Variants in PPFIA2 observed in about 807,000 individuals in gnomAD.
PPFIA2 encodes the protein PPFI scaffold protein A2.
A neutral mutation model predicts 175.5 loss-of-function variants in PPFIA2; 46 were observed. That is an observed-to-expected ratio of 0.26 (90% CI 0.21 to 0.34). PPFIA2 has a LOEUF of 0.34. Among genes scored for constraint, PPFIA2 ranks in the 10% least tolerant of loss-of-function variants. PPFIA2 has a pLI of 1.00. For missense variants in PPFIA2, 1,179 were observed against 1,506.1 expected, an observed-to-expected ratio of 0.78 and a Z score of 3.60; for synonymous variants, 568 against 511.4, an observed-to-expected ratio of 1.11 and a Z score of -1.49.
intron 4 of PPFIA2, among the ~76,000 whole-genome samples, chr12:81,524,137 G>T (rs1249994278): frequency 1.3e-5 from 2 of 152,190 alleles, no homozygotes; most frequent in Non-Finnish European, 2.9e-5. Context: ...GAAGAGAACT[G>T]CCATGAGGGT....
chr12:81,406,789 G>C (rs538467177), intron 7 of PPFIA2, among the ~76,000 whole-genome samples: 2 of 152,040 alleles, frequency 1.3e-5, no homozygotes, highest in African/African-American at 4.8e-5. Context: ...AGTTCTGGGA[G>C]AAATAAAGGT....
chr12:81,559,358 T>C (rs1391464196), intron 4 of PPFIA2, among the ~76,000 whole-genome samples: 1 of 152,204 alleles, frequency 6.6e-6, no homozygotes, highest in African/African-American at 2.4e-5. Flanking sequence ...GCAAGGATAT[T>C]ATAGGACAAT....
At chr12:81,573,315 T>C (rs992193431) in intron 4 of PPFIA2, among the ~76,000 whole-genome samples, 2 of 151,914 alleles carry the variant, frequency 1.3e-5, no homozygotes, top group South Asian at 2.1e-4. Context: ...AGTGGGTACA[T>C]AGCTGTCATT....
chr12:81,655,238 TC>T (rs1197610817), intron 4 of PPFIA2, among the ~76,000 whole-genome samples: 1 of 151,850 alleles, frequency 6.6e-6, no homozygotes, highest in Non-Finnish European at 1.5e-5. Context: ...ATGTTAATTT[TC>T]CCCCAAAAAT....
intron 4 of PPFIA2, among the ~76,000 whole-genome samples, chr12:81,624,458 T>G (rs1281366992): frequency 1.4e-5 from 2 of 146,950 alleles, no homozygotes; most frequent in African/African-American, 4.9e-5. Context: ...ATAATTATAG[T>G]GACCTGGGCA....
At chr12:81,443,483 G>T (rs1204329947) in intron 6 of PPFIA2, among the ~76,000 whole-genome samples, 1 of 151,012 alleles carries the variant, frequency 6.6e-6, no homozygotes, top group Non-Finnish European at 1.5e-5. Context: ...TAAACCCACT[G>T]AACTTCTATA....
At chr12:81,436,023 A>T (rs1035135972) in intron 7 of PPFIA2, among the ~76,000 whole-genome samples, 1 of 151,922 alleles carries the variant, frequency 6.6e-6, no homozygotes, top group Non-Finnish European at 1.5e-5. Flanking sequence ...CATGCCTGAA[A>T]TCTCAGTGCT....
chr12:81,623,875 T>C (rs2062364944), intron 4 of PPFIA2, among the ~76,000 whole-genome samples: 1 of 151,942 alleles, frequency 6.6e-6, no homozygotes, highest in South Asian at 2.1e-4. Context: ...TGGGTACTAC[T>C]TAAATAGCTG....
At chr12:81,395,352 G>A (rs1019531014) in intron 8 of PPFIA2, among the ~76,000 whole-genome samples, 2 of 151,946 alleles carry the variant, frequency 1.3e-5, no homozygotes, top group African/African-American at 4.8e-5. Flanking sequence ...ATGTACACAT[G>A]GTAAAACAGT....
intron 3 of PPFIA2, among the ~76,000 whole-genome samples, chr12:81,712,098 A>G (rs1351168105): frequency 2.6e-5 from 4 of 151,358 alleles, no homozygotes; most frequent in African/African-American, 7.2e-5. Context: ...AGGAGAATTA[A>G]CATCAATTAT....
intron 4 of PPFIA2, among the ~76,000 whole-genome samples, chr12:81,614,415 A>T (rs1248365184): frequency 1.3e-5 from 2 of 152,298 alleles, no homozygotes; most frequent in Middle Eastern, 3.4e-3. Flanking sequence ...GATAATATTT[A>T]CATGGGTAGC....
At chr12:81,643,355 T>C (rs2065621669) in intron 4 of PPFIA2, among the ~76,000 whole-genome samples, 1 of 151,912 alleles carries the variant, frequency 6.6e-6, no homozygotes, top group Admixed American at 6.6e-5. Context: ...TTCCCTATAA[T>C]TTCTATTAAT....
At chr12:81,612,812 G>A (rs542398445) in intron 4 of PPFIA2, among the ~76,000 whole-genome samples, 6 of 152,234 alleles carry the variant, frequency 3.9e-5, no homozygotes, top group South Asian at 4.1e-4. Context: ...ATGTATATGT[G>A]TGAACATTAT....
chr12:81,279,847 A>C (rs1042896015), intron 27 of PPFIA2, among the ~76,000 whole-genome samples: 3 of 152,192 alleles, frequency 2.0e-5, no homozygotes, highest in African/African-American at 7.2e-5. Context: ...CAATGTATAC[A>C]CTACAAGGCA....
intron 4 of PPFIA2, among the ~76,000 whole-genome samples, chr12:81,477,323 C>G (rs956517504): frequency 6.6e-6 from 1 of 152,096 alleles, no homozygotes; most frequent in African/African-American, 2.4e-5. Context: ...TTTGAAAAGG[C>G]TTTCACCTGG....
intron 4 of PPFIA2, among the ~76,000 whole-genome samples, chr12:81,548,276 A>G (rs565683628): frequency 6.6e-6 from 1 of 152,252 alleles, no homozygotes; most frequent in South Asian, 2.1e-4. Flanking sequence ...TACACAGGGA[A>G]ATACACGGGG....
intron 4 of PPFIA2, among the ~76,000 whole-genome samples, chr12:81,664,273 T>G (rs1380996485): frequency 6.6e-5 from 10 of 151,572 alleles, no homozygotes; most frequent in Non-Finnish European, 1.3e-4. Context: ...TGGGAGAAAA[T>G]TTTTGCAATC....
chr12:81,598,293 G>C, intron 4 of PPFIA2: 1 of 1,217,528 alleles, frequency 8.2e-7, no homozygotes, highest in South Asian at 2.4e-5. Flanking sequence ...TAAAAACACA[G>C]AAGGAAAAAA....
chr12:81,615,061 A>G (rs1436746877), intron 4 of PPFIA2, among the ~76,000 whole-genome samples: 1 of 152,202 alleles, frequency 6.6e-6, no homozygotes. Context: ...GATTTCATAC[A>G]TAAAACAATT....
Sources: allele counts gnomAD v4.1 joint callset (sites outside exome capture counted in the v4.1 genomes callset), GRCh38; gene constraint gnomAD v4.1.1; transcripts MANE v1.5; gene names NCBI Gene and HGNC (gene_info 2026-07-23, HGNC 2026-07-21).